Variants in PRKG1 observed in about 807,000 individuals in gnomAD.
PRKG1 encodes cGMP-dependent protein kinase 1.
PRKG1 carries 35 observed loss-of-function variants against 88.1 expected under a neutral mutation model. That is an observed-to-expected ratio of 0.40 (90% CI 0.30 to 0.53). The LOEUF is 0.53. Among genes scored for constraint, PRKG1 ranks in the 20% least tolerant of loss-of-function variants. The probability of loss-of-function intolerance (pLI) is 0.59; values close to 1 mark genes in which losing one functional copy is unlikely to be tolerated. For synonymous variants in PRKG1, 303 were observed against 292.5 expected (o/e 1.04, Z -0.37); for missense variants, 540 against 839.8 (o/e 0.64, Z 4.41).
At chr10:52,005,746 C>T (rs1453822624) in intron 5 of PRKG1, among the ~76,000 whole-genome samples, 1 of 152,130 alleles carries the variant, frequency 6.6e-6, no homozygotes, top group Non-Finnish European at 1.5e-5. Flanking sequence ...TCAGGGTGGG[C>T]AGGTCCACCA....
At chr10:51,474,869 T>A (rs10997707) in intron 3 of PRKG1, among the ~76,000 whole-genome samples, 1 of 151,764 alleles carries the variant, frequency 6.6e-6, no homozygotes, top group East Asian at 1.9e-4. Flanking sequence ...AAAGACTGCT[T>A]TGCTTATGAG....
intron 1 of PRKG1, among the ~76,000 whole-genome samples, chr10:51,105,023 C>T (rs1279800157): frequency 2.0e-5 from 3 of 152,116 alleles, no homozygotes; most frequent in Non-Finnish European, 4.4e-5. Flanking sequence ...GGCCACCGCA[C>T]CCAGCCCTGG....
At chr10:51,152,829 T>C (rs548899097) in intron 1 of PRKG1, among the ~76,000 whole-genome samples, 2 of 152,126 alleles carry the variant, frequency 1.3e-5, no homozygotes, top group Admixed American at 1.3e-4. Flanking sequence ...TTACAAACTT[T>C]AAAGTATGTA....
At chr10:52,020,884 C>T (rs1041376447) in intron 5 of PRKG1, among the ~76,000 whole-genome samples, 1 of 152,120 alleles carries the variant, frequency 6.6e-6, no homozygotes, top group Non-Finnish European at 1.5e-5. Context: ...TCCCTTGTTC[C>T]TGCATTCAAT....
At chr10:52,213,425 C>T (rs1840033377) in intron 9 of PRKG1, among the ~76,000 whole-genome samples, 1 of 152,204 alleles carries the variant, frequency 6.6e-6, no homozygotes, top group Non-Finnish European at 1.5e-5. Context: ...CAAATCTTAG[C>T]TTCTTTTTAG....
At chr10:51,478,939 T>A (rs965756993) in intron 3 of PRKG1, among the ~76,000 whole-genome samples, 3 of 152,112 alleles carry the variant, frequency 2.0e-5, no homozygotes, top group Non-Finnish European at 4.4e-5. Context: ...TCCCTTTGTC[T>A]ATTTGTTTCA....
At chr10:51,076,199 C>G (rs9414805) in intron 1 of PRKG1, among the ~76,000 whole-genome samples, 44,929 of 152,014 alleles carry the variant, frequency 0.3, 6,865 homozygotes, top group African/African-American at 0.36. Context: ...GGAACATTTG[C>G]TGTTCATGCA....
At chr10:51,267,689 C>T (rs1839871693) in intron 2 of PRKG1, among the ~76,000 whole-genome samples, 1 of 152,124 alleles carries the variant, frequency 6.6e-6, no homozygotes, top group Non-Finnish European at 1.5e-5. Context: ...AAATCTAAGG[C>T]CTGAAACCCT....
At chr10:51,259,207 C>T (rs560749658) in intron 2 of PRKG1, among the ~76,000 whole-genome samples, 1 of 152,068 alleles carries the variant, frequency 6.6e-6, no homozygotes, top group Non-Finnish European at 1.5e-5. Flanking sequence ...TGCATATACT[C>T]ACATATGTAC....
At position 51,368,504 on chromosome 10, in the gene PRKG1, C is replaced by A. The variant is rs369677694; in HGVS notation, c.479-99219C>A. ...TAGTCTTGTTCTTCTAGCATCTATA[C>A]CTTTCAGCACTTCTCACACATTGGG... On this transcript the variant is annotated intron_variant, in intron 2 of 17. Transcript: ENST00000373980. 5.9e-3 allele frequency among the ~76,000 whole-genome samples: 893 copies of A among 152,170 alleles called. 6 individuals carry two copies. The highest frequency in any genetic ancestry group is 0.013 in the South Asian group (65 of 4,822).
In PRKG1 at chr10:52,200,083, G is replaced by A. The variant is rs181257560; in HGVS notation, c.1076+38120G>A. On this transcript the variant is annotated intron_variant, in intron 9 of 17. Transcript: ENST00000373980. ...TTGTTTGTTTTTAACTTTTAGTTGC[G>A]GGAGTACATGTGCAAGTTTGTTATG... Among the ~76,000 whole-genome samples the A allele has an allele frequency of 2.2e-3, 339 of 151,812 alleles. 1 individual carries two copies. The highest frequency in any genetic ancestry group is 7.1e-3 in the African/African-American group (296 of 41,414).
chr10:52,207,859 C>G (rs1038695241), intron 9 of PRKG1, among the ~76,000 whole-genome samples: 1 of 152,130 alleles, frequency 6.6e-6, no homozygotes, highest in South Asian at 2.1e-4. Flanking sequence ...CCCTTCTCCA[C>G]TCTCAATGCC....
intron 2 of PRKG1, among the ~76,000 whole-genome samples, chr10:51,172,636 GTATGTATGTATGTATCTATCTATC>G (rs1479906185): frequency 3.9e-4 from 30 of 76,132 alleles, no homozygotes; most frequent in African/African-American, 1.1e-3. Context: ...ATGTATGTAT[GTATGTATGTATGTATCTATCTATC>G]TATCTATCTA....
Position 51,998,653 on chromosome 10 carries a change from G to A in PRKG1, c.763-55831G>A, listed in dbSNP as rs545535192. Reference sequence around the variant, plus strand: ...CATATATACCAAACTGTCACATTGTGTTAAATCTGAGTGAAGCATACATAG... The same window carrying A: ...CATATATACCAAACTGTCACATTGTATTAAATCTGAGTGAAGCATACATAG... On this transcript the variant is annotated intron_variant, in intron 5 of 17. Coordinates refer to ENST00000373980, the MANE Select transcript of PRKG1 (RefSeq NM_006258.4). Among the ~76,000 whole-genome samples the A allele has an allele frequency of 5.3e-5, 8 of 152,082 alleles. No individual in the cohort carries two copies. In the South Asian group the frequency reaches 1.7e-3, roughly 32 times the overall value.
intron 7 of PRKG1, among the ~76,000 whole-genome samples, chr10:52,102,355 C>T (rs186484575): frequency 9.1e-4 from 139 of 152,138 alleles, no homozygotes; most frequent in African/African-American, 2.7e-3. Flanking sequence ...CAACCATATG[C>T]TGTGGAAAGA....
chr10:51,016,417 T>C (rs1223359238), intron 1 of PRKG1, among the ~76,000 whole-genome samples: 1 of 152,170 alleles, frequency 6.6e-6, no homozygotes, highest in African/African-American at 2.4e-5. Flanking sequence ...GAAATGCAGT[T>C]CATCTTTCAG....
chr10:52,037,554 C>G (rs1359852908), intron 5 of PRKG1, among the ~76,000 whole-genome samples: 2 of 152,078 alleles, frequency 1.3e-5, no homozygotes, highest in Admixed American at 6.5e-5. Context: ...AAGTCATGAA[C>G]TGGGCTGGAT....
At chr10:51,198,301 T>C (rs1400278443) in intron 2 of PRKG1, among the ~76,000 whole-genome samples, 1 of 152,048 alleles carries the variant, frequency 6.6e-6, no homozygotes, top group Non-Finnish European at 1.5e-5. Flanking sequence ...GCATCTAGAG[T>C]GTATGGCTAG....
intron 1 of PRKG1, among the ~76,000 whole-genome samples, chr10:51,120,541 C>G (rs1845236374): frequency 1.3e-5 from 2 of 152,070 alleles, no homozygotes; most frequent in African/African-American, 4.8e-5. Context: ...CTGAAAAGTT[C>G]AGCTCTGTCA....
Sources: gnomAD v4.1 joint callset for allele counts (sites outside exome capture counted in the v4.1 genomes callset) on GRCh38, gnomAD v4.1.1 for gene constraint, MANE v1.5 for transcripts, NCBI Gene and HGNC (gene_info 2026-07-23, HGNC 2026-07-21) for gene names.